Variants in HACD1 observed in about 807,000 individuals in gnomAD.
HACD1 encodes the protein very-long-chain (3R)-3-hydroxyacyl-CoA dehydratase 1.
HACD1 carries 41 observed loss-of-function variants against 32.0 expected under a neutral mutation model. The observed-to-expected ratio is 1.28, with a 90% confidence interval of 1.00 to 1.66. The LOEUF (loss-of-function observed/expected upper bound fraction) is 1.66, where lower values mean the gene tolerates loss of function less well. Among genes scored for constraint, HACD1 ranks in the 40% most tolerant of loss-of-function variants. The pLI is 0.00. For missense variants in HACD1, 396 were observed against 380.1 expected (o/e 1.04, Z -0.35); for synonymous variants, 142 against 139.0 (o/e 1.02, Z -0.15).
intron 4 of HACD1, among the ~76,000 whole-genome samples, chr10:17,600,404 A>T (rs1242538461): frequency 6.6e-6 from 1 of 152,024 alleles, no homozygotes; most frequent in Non-Finnish European, 1.5e-5. Context: ...CAGTGGCATG[A>T]TCTCGGCTCA....
chr10:17,613,818 G>A (rs572909530), intron 1 of HACD1, among the ~76,000 whole-genome samples: 62 of 152,296 alleles, frequency 4.1e-4, no homozygotes, highest in African/African-American at 1.4e-3. Context: ...AGAAGTCATG[G>A]GAATAACAGG....
chr10:17,615,172 C>T (rs1417109300), intron 1 of HACD1, among the ~76,000 whole-genome samples: 1 of 152,258 alleles, frequency 6.6e-6, no homozygotes, highest in Non-Finnish European at 1.5e-5. Context: ...AGTTTTCTCA[C>T]TTTCCAAGAG....
In HACD1 at chr10:17,604,024, A is replaced by G. The variant is rs781959645; in HGVS notation, c.281T>C (p.Met94Thr). The G allele has an allele frequency of 4.4e-6, 7 of 1,593,956 alleles. No individual in the cohort carries two copies. The East Asian group carries it at 1.3e-4, about 30-fold the overall frequency. The change falls in exon 2 of 7, where the codon ATG becomes ACG. Residue 94 changes from methionine to threonine, a missense_variant. Physicochemically the swap from Met to Thr is moderately conservative, Grantham distance 81 (BLOSUM62 -1). Transcript: ENST00000361271. ...TCCTTTTTCCATATAAAAACGTACC[A>G]TGGCAATAGCTAGAACCAACCACCT... ...TAGWLVLAIA[M>T]VRFYMEKGTH...
intron 1 of HACD1, among the ~76,000 whole-genome samples, chr10:17,613,607 G>C (rs1295747449): frequency 2.0e-5 from 3 of 152,162 alleles, no homozygotes; most frequent in Non-Finnish European, 4.4e-5. Flanking sequence ...TGAAGAGTCA[G>C]TTACAGAGAT....
At chr10:17,599,177 A>G (rs1834033992) in intron 5 of HACD1, 113 bp downstream of exon 5, 2 of 1,506,546 alleles carry the variant, frequency 1.3e-6, no homozygotes, top group Non-Finnish European at 8.8e-7. Context: ...TATACCTCCT[A>G]TAACAGCATT....
chr10:17,600,209 C>G (rs1226552536), intron 4 of HACD1, among the ~76,000 whole-genome samples: 1 of 152,198 alleles, frequency 6.6e-6, no homozygotes, highest in Non-Finnish European at 1.5e-5. Context: ...CTCTCTTATT[C>G]CATAAAAAAT....
At chr10:17,609,840 CA>C (rs1554817330) in intron 1 of HACD1, among the ~76,000 whole-genome samples, 1 of 151,844 alleles carries the variant, frequency 6.6e-6, no homozygotes, top group Non-Finnish European at 1.5e-5. Context: ...AAAAATTAGC[CA>C]GGCATGGTGG....
chr10:17,614,577 T>C (rs1554817822), intron 1 of HACD1, among the ~76,000 whole-genome samples: 1 of 151,686 alleles, frequency 6.6e-6, no homozygotes, highest in African/African-American at 2.4e-5. Context: ...TAGCTGAGGA[T>C]GGTGGTGTGC....
At chr10:17,590,984 T>G (rs1833921547) in intron 6 of HACD1, among the ~76,000 whole-genome samples, 1 of 152,152 alleles carries the variant, frequency 6.6e-6, no homozygotes, top group African/African-American at 2.4e-5. Context: ...CTATTTTTGC[T>G]TGTTTTTAAC....
At chr10:17,602,177 C>A (rs1554816591) in intron 4 of HACD1, among the ~76,000 whole-genome samples, 1 of 151,416 alleles carries the variant, frequency 6.6e-6, no homozygotes, top group African/African-American at 2.4e-5. Context: ...TCAAGCAATT[C>A]TCCTGCCTCA....
intron 5 of HACD1, among the ~76,000 whole-genome samples, chr10:17,598,629 GA>G (rs1834026434): frequency 6.6e-6 from 1 of 152,146 alleles, no homozygotes; most frequent in Admixed American, 6.6e-5. Flanking sequence ...AGAATAAAAT[GA>G]ACAAGTCTAT....
intron 4 of HACD1, 58 bp from the exon 5 acceptor site, chr10:17,599,469 G>T: frequency 6.4e-7 from 1 of 1,552,534 alleles, no homozygotes; most frequent in South Asian, 1.2e-5. Flanking sequence ...TTTCAGTGAA[G>T]GTACTTACTT....
At chr10:17,598,114 G>A (rs1834018814) in intron 5 of HACD1, among the ~76,000 whole-genome samples, 1 of 151,908 alleles carries the variant, frequency 6.6e-6, no homozygotes, top group Admixed American at 6.6e-5. Flanking sequence ...ACAAAAATTA[G>A]CCAGGTGTGG....
At chr10:17,606,006 G>A (rs928426541) in intron 1 of HACD1, among the ~76,000 whole-genome samples, 6 of 150,928 alleles carry the variant, frequency 4.0e-5, no homozygotes, top group African/African-American at 9.7e-5. Flanking sequence ...GCAAGATCCC[G>A]TCTCTACAAA....
chr10:17,611,749 G>A (rs9888051), intron 1 of HACD1, among the ~76,000 whole-genome samples: 243 of 152,156 alleles, frequency 1.6e-3, no homozygotes, highest in African/African-American at 4.8e-3. Context: ...GGCAGATCAC[G>A]AGGTTAGGAG....
intron 1 of HACD1, among the ~76,000 whole-genome samples, chr10:17,616,218 G>C (rs974035149): frequency 2.4e-5 from 3 of 123,984 alleles, no homozygotes; most frequent in Admixed American, 8.3e-5. Context: ...GTAGTGAGCC[G>C]AGATCCCGCC....
intron 4 of HACD1, among the ~76,000 whole-genome samples, chr10:17,602,373 G>C (rs1164305577): frequency 6.6e-6 from 1 of 152,010 alleles, no homozygotes; most frequent in Non-Finnish European, 1.5e-5. Flanking sequence ...GCCCGGCCCT[G>C]TCATGGGTTT....
intron 4 of HACD1, among the ~76,000 whole-genome samples, chr10:17,599,986 C>A (rs2131509480): frequency 6.6e-6 from 1 of 152,344 alleles, no homozygotes; most frequent in East Asian, 1.9e-4. Flanking sequence ...TGGTCCCACA[C>A]TTCTTAACAG....
At position 17,603,546 on chromosome 10, in the gene HACD1, T is replaced by C; in HGVS notation, c.483+14A>G. ...CCTGCAGGCTCAAGTAGACAACATG[T>C]TTGTGTCACTTACTGGTTTTATACT... On this transcript the variant is annotated intron_variant, in intron 4 of 6. Coordinates refer to ENST00000361271, the MANE Select transcript of HACD1 (RefSeq NM_014241.4). 6.3e-7 allele frequency: 1 copy of C among 1,583,894 alleles called. No homozygotes were observed. The highest frequency in any genetic ancestry group is 8.7e-7 in the Non-Finnish European group (1 of 1,154,020).
Sources: gnomAD v4.1 joint callset for allele counts (sites outside exome capture counted in the v4.1 genomes callset) on GRCh38, gnomAD v4.1.1 for gene constraint, MANE v1.5 for transcripts, NCBI Gene and HGNC (gene_info 2026-07-23, HGNC 2026-07-21) for gene names.